The following PRH1 variants were observed in gnomAD, a reference collection of about 807,000 sequenced individuals.
PRH1 encodes salivary acidic proline-rich phosphoprotein 1/2.
PRH1 carries 7 observed loss-of-function variants against 7.9 expected under a neutral mutation model. The ratio of observed to expected loss-of-function variants is 0.89; its 90% CI spans 0.50 to 1.67. PRH1 has a LOEUF of 1.67. Among genes scored for constraint, PRH1 ranks in the 40% most tolerant of loss-of-function variants. The pLI, the probability that PRH1 is intolerant of heterozygous loss-of-function variation, is 0.00. For synonymous variants in PRH1, 45 were observed against 80.8 expected (o/e 0.56, Z 2.38); for missense variants, 109 against 223.6 (o/e 0.49, Z 3.27).
intron 2 of PRH1, chr12:10,965,080 G>T: frequency 8.3e-7 from 1 of 1,200,852 alleles, no homozygotes; most frequent in Non-Finnish European, 1.2e-6. Context: ...TGAAATGGTT[G>T]GTTACAGCCC....
At chr12:11,079,602 C>T (rs1176843394) in intron 1 of PRH1, among the ~76,000 whole-genome samples, 2,485 of 69,008 alleles carry the variant, frequency 0.036, 22 homozygotes, top group Non-Finnish European at 0.049. Context: ...GATAAAGGCA[C>T]TCTGCTAAAC....
At chr12:11,055,837 G>A (rs936302822) in intron 1 of PRH1, among the ~76,000 whole-genome samples, 11 of 150,490 alleles carry the variant, frequency 7.3e-5, no homozygotes, top group African/African-American at 2.7e-4. Flanking sequence ...CTAGAATCAC[G>A]ACCACTGTTG....
intron 1 of PRH1, among the ~76,000 whole-genome samples, chr12:11,075,126 T>C (rs1591960006): frequency 7.3e-6 from 1 of 137,750 alleles, no homozygotes; most frequent in African/African-American, 2.6e-5. Context: ...AGCTAAGATA[T>C]ACATTCAGTT....
At chr12:11,028,075 C>T (rs1942007132) in intron 1 of PRH1, among the ~76,000 whole-genome samples, 1 of 152,178 alleles carries the variant, frequency 6.6e-6, no homozygotes, top group South Asian at 2.1e-4. Context: ...ATGTCCAATT[C>T]CCCTGGCCAG....
chr12:10,924,693 T>C (rs1565474662), intron 2 of PRH1, among the ~76,000 whole-genome samples: 1 of 152,232 alleles, frequency 6.6e-6, no homozygotes, highest in Non-Finnish European at 1.5e-5. Flanking sequence ...GTTAGTGGTA[T>C]ACTCAGGGAT....
chr12:10,970,942 G>A (rs11054118), intron 2 of PRH1, among the ~76,000 whole-genome samples: 37,047 of 152,072 alleles, frequency 0.24, 4,567 homozygotes, highest in Non-Finnish European at 0.25. Context: ...AATAATTACA[G>A]TTCTATCTAT....
At chr12:10,965,014 G>T (rs1938435731) in intron 2 of PRH1, 1 of 826,252 alleles carries the variant, frequency 1.2e-6, no homozygotes, top group African/African-American at 1.7e-5. Context: ...TAAAGTTGGA[G>T]AAATTGGCAA....
intron 1 of PRH1, among the ~76,000 whole-genome samples, chr12:10,980,434 G>A (rs1170339457): frequency 6.6e-6 from 1 of 152,060 alleles, no homozygotes; most frequent in Admixed American, 6.6e-5. Flanking sequence ...TGAATAGGCA[G>A]AAACTCAAGT....
At chr12:11,129,755 T>A (rs1349559030) in intron 1 of PRH1, among the ~76,000 whole-genome samples, 1 of 152,406 alleles carries the variant, frequency 6.6e-6, no homozygotes, top group Non-Finnish European at 1.5e-5. Flanking sequence ...ATTTGCCTTG[T>A]AAGAATAATA....
chr12:11,062,731 G>T (rs1017524216), intron 1 of PRH1, among the ~76,000 whole-genome samples: 2 of 152,022 alleles, frequency 1.3e-5, no homozygotes, highest in African/African-American at 2.4e-5. Flanking sequence ...CCAATACAGA[G>T]ATCATATAGT....
Position 11,096,385 on chromosome 12 carries a change from G to T in PRH1, n.124-49197C>A, listed in dbSNP as rs1227176675. ...CTTTTTTTTGTCTTATTGTTTTAGA[G>T]GTAGAAATGAACTTTTTGTTCTCCT... On this transcript the variant is annotated intron_variant and non_coding_transcript_variant, in intron 1 of 4. Transcript: ENST00000541977. Among the ~76,000 whole-genome samples, 7 of 115,548 alleles carry T rather than the reference G, an allele frequency of 6.1e-5. 2 individuals carry two copies. Among genetic ancestry groups the T allele is most frequent in the African/African-American group, 2.0e-4 (7 of 34,464 alleles). The allele number at this position is 115,548 out of a possible 152,430, so 75.8% of individuals were successfully genotyped here. A position where few individuals can be genotyped will look rare whatever the true frequency, so the allele number is the denominator to read the frequency against.
In PRH1 at chr12:11,171,307, C is replaced by T. The variant is rs1338453091; in HGVS notation, n.39+115G>A. ...AGCCGTCGCTAGGAGGTCCGCGGGC[C>T]CTGCGGCAACCCTCGCTACAGACGC... On this transcript the variant is annotated intron_variant and non_coding_transcript_variant, in intron 1 of 1. Coordinates refer to the PRH1 transcript ENST00000541175. 1.0e-5 allele frequency: 12 copies of T among 1,175,726 alleles called. No homozygotes were observed. In the East Asian group the frequency reaches 2.5e-4, roughly 25 times the overall value. 72.8% of individuals were successfully genotyped at this position (1,175,726 alleles called of 1,614,324 possible). A position where few individuals can be genotyped will look rare whatever the true frequency, so the allele number is the denominator to read the frequency against.
At chr12:10,962,263 ATAAC>A (rs146968065) in intron 2 of PRH1, among the ~76,000 whole-genome samples, 2,346 of 152,364 alleles carry the variant, frequency 0.015, 21 homozygotes, top group South Asian at 0.031. Flanking sequence ...AAGGTAATTC[ATAAC>A]TAACTCAATT....
At chr12:10,903,931 C>CAAAAAAAAA (rs546066515) in intron 2 of PRH1, among the ~76,000 whole-genome samples, 20 of 31,084 alleles carry the variant, frequency 6.4e-4, no homozygotes, top group South Asian at 2.5e-3. Flanking sequence ...ACAATAGCCT[C>CAAAAAAAAA]AAAAAAAAAA....
At chr12:10,986,225 A>C (rs929314501) in intron 1 of PRH1, 1 of 1,614,154 alleles carries the variant, frequency 6.2e-7, no homozygotes, top group African/African-American at 1.3e-5. Context: ...ATCCTTCTCC[A>C]TGGAGCTGCA....
At chr12:11,128,649 G>A (rs1946220465) in intron 1 of PRH1, among the ~76,000 whole-genome samples, 1 of 152,156 alleles carries the variant, frequency 6.6e-6, no homozygotes, top group African/African-American at 2.4e-5. Flanking sequence ...GGTGACTGCA[G>A]CAGGAGAATC....
intron 1 of PRH1, among the ~76,000 whole-genome samples, chr12:11,001,326 T>G (rs946050887): frequency 1.3e-5 from 2 of 152,120 alleles, no homozygotes; most frequent in African/African-American, 4.8e-5. Context: ...AATTTTACTC[T>G]TTTTTTATTA....
intron 1 of PRH1, among the ~76,000 whole-genome samples, chr12:11,024,224 A>C (rs201614484): frequency 0.018 from 1,800 of 98,384 alleles, no homozygotes; most frequent in South Asian, 0.034. Context: ...CATTTCTCCT[A>C]ATTAATAATT....
At chr12:11,050,832 T>A (rs1329310948), upstream of PRH1, among the ~76,000 whole-genome samples, 1 of 152,266 alleles carries the variant, frequency 6.6e-6, no homozygotes, top group Non-Finnish European at 1.5e-5. Context: ...GTTTCCATAT[T>A]GGAGTTTCTT....
Sources: gnomAD v4.1 joint callset for allele counts (sites outside exome capture counted in the v4.1 genomes callset) on GRCh38, gnomAD v4.1.1 for gene constraint, MANE v1.5 for transcripts, NCBI Gene and HGNC (gene_info 2026-07-23, HGNC 2026-07-21) for gene names.